Variants in ASCC3 observed in about 807,000 individuals in gnomAD.
ASCC3 encodes ASC-1 complex subunit P200.
ASCC3 carries 158 observed loss-of-function variants against 256.3 expected under a neutral mutation model. That is an observed-to-expected ratio of 0.62 (90% CI 0.54 to 0.70). The LOEUF is 0.70. Among genes scored for constraint, ASCC3 ranks in the 30% least tolerant of loss-of-function variants. ASCC3 has a pLI of 0.00. For missense variants in ASCC3, 2,259 were observed against 2,626.0 expected (o/e 0.86, Z 3.05); for synonymous variants, 948 against 883.4 (o/e 1.07, Z -1.30).
chr6:100,607,019 G>A lies in ASCC3; in HGVS notation c.4855C>T (p.His1619Tyr). Residue 1619 changes from histidine to tyrosine, a missense_variant, in exon 31 of 42, where the codon CAT becomes TAT. By Grantham distance (83) the His-to-Tyr change is moderately conservative (BLOSUM62 2). Coordinates refer to ENST00000369162, the MANE Select transcript of ASCC3 (RefSeq NM_006828.4). ...KLTLAFGIGM[H>Y]HAGLHERDRK... ...TCCCTCTCATGTAGTCCAGCATGATGCATTCCTATCCCGAAAGCAAGGGTC... is the reference window on the plus strand; with the variant it reads ...TCCCTCTCATGTAGTCCAGCATGATACATTCCTATCCCGAAAGCAAGGGTC... 1 of 1,613,468 alleles carries A rather than the reference G, an allele frequency of 6.2e-7. No homozygotes were observed. Among genetic ancestry groups the A allele is most frequent in the East Asian group, 2.2e-5 (1 of 44,804 alleles).
intron 36 of ASCC3, among the ~76,000 whole-genome samples, chr6:100,577,160 A>T (rs1332822745): frequency 6.6e-6 from 1 of 152,034 alleles, no homozygotes; most frequent in Non-Finnish European, 1.5e-5. Context: ...AAAATCACCT[A>T]TCACACCAAA....
At chr6:100,725,494 CAT>C in intron 11 of ASCC3, 43 bp downstream of exon 11, 1 of 1,591,252 alleles carries the variant, frequency 6.3e-7, no homozygotes, top group Non-Finnish European at 8.6e-7. Context: ...AGTTGAAAAA[CAT>C]ATTTATCCCT....
At chr6:100,549,625 C>G (rs1769189353) in intron 36 of ASCC3, among the ~76,000 whole-genome samples, 1 of 151,776 alleles carries the variant, frequency 6.6e-6, no homozygotes, top group Non-Finnish European at 1.5e-5. Context: ...TAAGCTCCAT[C>G]AAAGTCCCCA....
At chr6:100,770,677 A>G (rs1264453005) in intron 8 of ASCC3, among the ~76,000 whole-genome samples, 1 of 152,012 alleles carries the variant, frequency 6.6e-6, no homozygotes, top group Non-Finnish European at 1.5e-5. Context: ...AAAAAATTAC[A>G]TTTCTATATA....
chr6:100,824,248 T>A (rs1401719413), intron 4 of ASCC3, among the ~76,000 whole-genome samples: 4 of 152,192 alleles, frequency 2.6e-5, no homozygotes, highest in African/African-American at 9.7e-5. Flanking sequence ...GACTACAGTG[T>A]TTAAGAAATA....
intron 13 of ASCC3, among the ~76,000 whole-genome samples, chr6:100,712,191 G>A (rs181025849): frequency 2.8e-4 from 43 of 152,160 alleles, no homozygotes; most frequent in Admixed American, 9.2e-4. Context: ...AGAAAATCAA[G>A]GTGACCTTGG....
At chr6:100,792,574 T>A (rs1769404272) in intron 8 of ASCC3, among the ~76,000 whole-genome samples, 1 of 151,950 alleles carries the variant, frequency 6.6e-6, no homozygotes, top group Non-Finnish European at 1.5e-5. Flanking sequence ...TTATTGCTAG[T>A]GCTATAAATT....
intron 10 of ASCC3, among the ~76,000 whole-genome samples, chr6:100,765,098 T>C (rs1209570655): frequency 2.0e-5 from 3 of 152,064 alleles, no homozygotes; most frequent in Non-Finnish European, 2.9e-5. Context: ...CACCAGAAAC[T>C]AGGAGGCATA....
intron 36 of ASCC3, among the ~76,000 whole-genome samples, chr6:100,575,207 C>CT (rs1770793395): frequency 6.6e-6 from 1 of 151,954 alleles, no homozygotes; most frequent in Non-Finnish European, 1.5e-5. Flanking sequence ...TTAACAAACT[C>CT]TTTAATTTTT....
intron 36 of ASCC3, among the ~76,000 whole-genome samples, chr6:100,578,277 A>G (rs1770987847): frequency 6.6e-6 from 1 of 151,990 alleles, no homozygotes; most frequent in Non-Finnish European, 1.5e-5. Flanking sequence ...ATTAAACTTT[A>G]ATTTTAGGTT....
At chr6:100,877,101 C>T (rs568371380) in intron 1 of ASCC3, among the ~76,000 whole-genome samples, 1 of 152,208 alleles carries the variant, frequency 6.6e-6, no homozygotes, top group African/African-American at 2.4e-5. Context: ...TGCTTGATAG[C>T]AACTTTAGGA....
chr6:100,767,413 G>A, intron 8 of ASCC3, 68 bp from the exon 9 acceptor site: 16 of 1,444,084 alleles, frequency 1.1e-5, no homozygotes, highest in Non-Finnish European at 1.5e-5. Context: ...ATCATTATGT[G>A]TTAACATTTA....
At chr6:100,880,203 A>T (rs543399454) in intron 1 of ASCC3, among the ~76,000 whole-genome samples, 3 of 152,156 alleles carry the variant, frequency 2.0e-5, no homozygotes, top group South Asian at 2.1e-4. Flanking sequence ...AACCATCATT[A>T]AAAAAAAGAG....
intron 4 of ASCC3, among the ~76,000 whole-genome samples, chr6:100,816,142 A>C (rs1770733746): frequency 6.6e-6 from 1 of 152,142 alleles, no homozygotes; most frequent in Non-Finnish European, 1.5e-5. Context: ...CTGTGACCAA[A>C]AAGCATATGA....
chr6:100,799,631 C>A, intron 6 of ASCC3, 59 bp from the exon 7 acceptor site: 1 of 1,529,748 alleles, frequency 6.5e-7, no homozygotes. Flanking sequence ...AATGCATACA[C>A]CAAAACAAGG....
intron 36 of ASCC3, among the ~76,000 whole-genome samples, chr6:100,565,925 T>C (rs538387832): frequency 1.4e-3 from 219 of 152,288 alleles, no homozygotes; most frequent in African/African-American, 5.0e-3. Flanking sequence ...TACTTTTTTT[T>C]ATTCCTCCAA....
chr6:100,829,506 T>C (rs705589), intron 4 of ASCC3, among the ~76,000 whole-genome samples: 108,341 of 151,740 alleles, frequency 0.71, 38,864 homozygotes, highest in East Asian at 0.75. Context: ...GAGCCCACGC[T>C]CACATGGAAT....
chr6:100,540,105 A>C (rs1379588123), intron 37 of ASCC3, 58 bp downstream of exon 37: 1 of 1,485,084 alleles, frequency 6.7e-7, no homozygotes, highest in East Asian at 2.3e-5. Context: ...AAACTAGAAA[A>C]AAGAGGGCAG....
At chr6:100,777,037 C>T (rs1381845756) in intron 8 of ASCC3, among the ~76,000 whole-genome samples, 1 of 152,046 alleles carries the variant, frequency 6.6e-6, no homozygotes, top group Admixed American at 6.6e-5. Flanking sequence ...TCTGGAATCC[C>T]ACCACTCTAA....
Sources: gnomAD v4.1 joint callset for allele counts (sites outside exome capture counted in the v4.1 genomes callset) on GRCh38, gnomAD v4.1.1 for gene constraint, MANE v1.5 for transcripts, NCBI Gene and HGNC (gene_info 2026-07-23, HGNC 2026-07-21) for gene names.